Variants in LAMB1 observed in about 807,000 individuals in gnomAD.
LAMB1 encodes laminin subunit beta-1.
Under a neutral mutation model 222.3 loss-of-function variants are expected in LAMB1, and 121 were observed. That is an observed-to-expected ratio of 0.54 (90% confidence interval 0.47 to 0.63). The LOEUF is 0.63. LAMB1 is among the 30% of genes least tolerant of loss of function. The pLI is 0.00. For synonymous variants in LAMB1, 794 were observed against 807.2 expected, an observed-to-expected ratio of 0.98 and a Z score of 0.28; for missense variants, 2,172 against 2,240.8, an observed-to-expected ratio of 0.97 and a Z score of 0.62.
chr7:107,975,643 C>G (rs1199328598), intron 10 of LAMB1, 46 bp downstream of exon 10: 1 of 1,539,242 alleles, frequency 6.5e-7, no homozygotes, highest in African/African-American at 1.4e-5. Context: ...GTTTGGAAGG[C>G]AATCTGAAGT....
chr7:107,991,675 C>A (rs1465760142), intron 5 of LAMB1, among the ~76,000 whole-genome samples: 1 of 151,966 alleles, frequency 6.6e-6, no homozygotes, highest in Non-Finnish European at 1.5e-5. Flanking sequence ...CTTTGTGACG[C>A]CGAGGCGGGC....
intron 7 of LAMB1, among the ~76,000 whole-genome samples, chr7:107,982,836 C>A (rs1376781255): frequency 6.6e-6 from 1 of 152,170 alleles, no homozygotes; most frequent in Non-Finnish European, 1.5e-5. Context: ...CAAAGTAAAT[C>A]AAATGCATGA....
chr7:107,925,579 A>C (rs1294156095), intron 32 of LAMB1, among the ~76,000 whole-genome samples: 1 of 152,188 alleles, frequency 6.6e-6, no homozygotes, highest in Admixed American at 6.5e-5. Context: ...CCAAGTTTTT[A>C]ATGTTCTCTT....
chr7:107,963,130 AG>A, intron 14 of LAMB1, 67 bp from the exon 15 acceptor site: 1 of 1,386,784 alleles, frequency 7.2e-7, no homozygotes, highest in South Asian at 1.5e-5. Flanking sequence ...CAATAGTCAA[AG>A]TAATCCGAAG....
At chr7:107,935,347 GTTTTTTTTTTTTTTT>G (rs200599445) in intron 27 of LAMB1, 53 bp downstream of exon 27, 444 of 1,170,372 alleles carry the variant, frequency 3.8e-4, no homozygotes, top group Middle Eastern at 9.1e-4. Flanking sequence ...GTTTTTCTTT[GTTTTTTTTTTTTTTT>G]TTTTTTTTTT....
At chr7:107,994,725 G>C (rs1245879899) in intron 5 of LAMB1, among the ~76,000 whole-genome samples, 162 bp downstream of exon 5, 1 of 152,220 alleles carries the variant, frequency 6.6e-6, no homozygotes, top group Non-Finnish European at 1.5e-5. Flanking sequence ...GTTAAATGCA[G>C]TTATTCATGC....
chr7:107,929,168 C>A lies in LAMB1; in HGVS notation c.4783G>T (p.Val1595Leu). Residue 1595 changes from valine to leucine, a missense_variant, in exon 31 of 34, where the codon GTA becomes TTA. Physicochemically the swap from Val to Leu is conservative, Grantham distance 32. Coordinates refer to ENST00000222399, the MANE Select transcript of LAMB1 (RefSeq NM_002291.3). The part of the protein sequence containing the change: ...ATDVKVTADM[V>L]KEALEEAEKA... ...TCTGCTTCTTCCAGAGCTTCCTTTACCATATCTGCAGTGACTTTAACATCT... is the reference window on the plus strand; with the variant it reads ...TCTGCTTCTTCCAGAGCTTCCTTTAACATATCTGCAGTGACTTTAACATCT... 6.2e-7 allele frequency: 1 copy of A among 1,613,934 alleles called. No individual in the cohort carries two copies. The highest frequency in any genetic ancestry group is 8.5e-7 in the Non-Finnish European group (1 of 1,179,948).
intron 4 of LAMB1, among the ~76,000 whole-genome samples, chr7:107,997,477 C>A (rs6951095): frequency 6.6e-6 from 1 of 152,040 alleles, no homozygotes; most frequent in Non-Finnish European, 1.5e-5. Flanking sequence ...CTATTAAGGG[C>A]GTTTGTCTTT....
At chr7:107,949,889 A>G (rs79749356) in intron 24 of LAMB1, among the ~76,000 whole-genome samples, 2,917 of 152,224 alleles carry the variant, frequency 0.019, 87 homozygotes, top group African/African-American at 0.066. Flanking sequence ...GATCTGTATT[A>G]TTTCTTGCTG....
chr7:107,929,079 C>A lies in LAMB1; in HGVS notation c.4872G>T (p.Gln1624His), dbSNP rs1290239850. The change falls in exon 31 of 34, where the codon CAG (glutamine) becomes CAT (histidine). Residue 1624 changes from glutamine (Q) to histidine (H), a missense_variant. By Grantham distance (24) the Gln-to-His change is conservative. Transcript: ENST00000222399. Reference sequence around the variant, plus strand: ...GTATGCCTACCGAAGTTAACAGGTTCTGGGTTCCTTGAATGTCTTCATCTG... The same window carrying A: ...GTATGCCTACCGAAGTTAACAGGTTATGGGTTCCTTGAATGTCTTCATCTG... ...KQADEDIQGT[Q>H]NLLTSIESET... 6.2e-7 allele frequency: 1 copy of A among 1,613,850 alleles called. No individual in the cohort carries two copies. Among genetic ancestry groups the A allele is most frequent in the African/African-American group, 1.3e-5 (1 of 74,888 alleles).
intron 5 of LAMB1, 149 bp downstream of exon 5, chr7:107,994,738 G>A (rs148633756): frequency 2.5e-5 from 13 of 529,392 alleles, no homozygotes; most frequent in East Asian, 8.5e-5. Flanking sequence ...ATTCATGCTC[G>A]TTTTAAAAAC....
intron 8 of LAMB1, among the ~76,000 whole-genome samples, chr7:107,980,394 G>A (rs2033948643): frequency 6.6e-6 from 1 of 152,054 alleles, no homozygotes; most frequent in Non-Finnish European, 1.5e-5. Flanking sequence ...AAAATTCATC[G>A]TCTATGAAAT....
At position 107,982,553 on chromosome 7, in the gene LAMB1, TCTCCTGCACAAATC is replaced by T. The variant is rs530316875; in HGVS notation, c.677-1756_677-1743del. Among the ~76,000 whole-genome samples, 463 of 152,282 alleles carry T rather than the reference TCTCCTGCACAAATC, an allele frequency of 3.0e-3. 3 individuals are homozygous for T. Among genetic ancestry groups the T allele is most frequent in the African/African-American group, 0.011 (441 of 41,544 alleles). ...ATGGCAGTTATGAACGCCAACATTT[TCTCCTGCACAAATC>T]CTCCTGCACAAAATGAGCACAAGCG... On this transcript the variant is annotated intron_variant, in intron 7 of 33. Transcript: ENST00000222399.
intron 4 of LAMB1, 93 bp from the exon 5 acceptor site, chr7:107,995,053 G>A: frequency 1.5e-6 from 1 of 668,654 alleles, no homozygotes; most frequent in South Asian, 2.0e-5. Flanking sequence ...TTACTTTTAT[G>A]TTCCCCATAG....
At chr7:107,967,070 A>G (rs910876072) in intron 13 of LAMB1, among the ~76,000 whole-genome samples, 4 of 152,322 alleles carry the variant, frequency 2.6e-5, no homozygotes, top group South Asian at 2.1e-4. Context: ...CCAGCCATCA[A>G]TGGGACATTT....
At chr7:107,982,191 G>C (rs573369820) in intron 7 of LAMB1, among the ~76,000 whole-genome samples, 1 of 152,136 alleles carries the variant, frequency 6.6e-6, no homozygotes, top group South Asian at 2.1e-4. Context: ...CCTTCTCCAC[G>C]GGGTTTTCGT....
intron 27 of LAMB1, 26 bp from the exon 28 acceptor site, chr7:107,932,403 A>G (rs764966955): frequency 7.1e-5 from 115 of 1,609,974 alleles, no homozygotes; most frequent in Non-Finnish European, 8.3e-5. Context: ...GATCAGGCAC[A>G]ATACTTCGGA....
rs77437978 is a variant in LAMB1, at chr7:107,971,049, A to G, written c.1562+1943T>C. Reference sequence around the variant, plus strand: ...GCCTGGCCACTTCTTTAATTATTCCAAAGTTCAGGTTAGTTGTCAATATAA... The same window carrying G: ...GCCTGGCCACTTCTTTAATTATTCCGAAGTTCAGGTTAGTTGTCAATATAA... On this transcript the variant is annotated intron_variant, in intron 13 of 33. Transcript: ENST00000222399. Among the ~76,000 whole-genome samples, 88 of 152,302 alleles carry G rather than the reference A, an allele frequency of 5.8e-4. No homozygotes were observed. The East Asian group carries it at 0.016, about 28-fold the overall frequency.
intron 32 of LAMB1, among the ~76,000 whole-genome samples, chr7:107,925,413 T>C (rs1227004648): frequency 6.6e-6 from 1 of 152,090 alleles, no homozygotes; most frequent in Non-Finnish European, 1.5e-5. Flanking sequence ...GTGCACTCCT[T>C]ATGGAATCTA....
Sources: allele counts gnomAD v4.1 joint callset (sites outside exome capture counted in the v4.1 genomes callset), GRCh38; gene constraint gnomAD v4.1.1; transcripts MANE v1.5; gene names NCBI Gene and HGNC (gene_info 2026-07-23, HGNC 2026-07-21).